MLLT3: variants seen among roughly 807,000 people sequenced by gnomAD.
The protein encoded by MLLT3 is protein AF-9.
MLLT3 carries 4 observed loss-of-function variants against 53.2 expected under a neutral mutation model. The observed-to-expected ratio is 0.08, with a 90% CI of 0.04 to 0.17. The LOEUF is 0.17. Ranked by LOEUF, MLLT3 falls within the 10% of genes least tolerant of loss-of-function variation. The probability of loss-of-function intolerance (pLI) is 1.00; values close to 1 mark genes in which losing one functional copy is unlikely to be tolerated. For missense variants in MLLT3, 569 were observed against 684.0 expected, an observed-to-expected ratio of 0.83 and a Z score of 1.87; for synonymous variants, 283 against 230.6, an observed-to-expected ratio of 1.23 and a Z score of -2.06.
chr9:20,365,779 T>G lies in MLLT3; in HGVS notation c.1126-35A>C, dbSNP rs751773072. ...AGAATAAAAAGGCACCATCAATAAATTTACGGGATACCACACATCTAAAGT... is the reference window on the plus strand; with the variant it reads ...AGAATAAAAAGGCACCATCAATAAAGTTACGGGATACCACACATCTAAAGT... On this transcript the variant is annotated intron_variant, in intron 5 of 10. Coordinates refer to ENST00000380338, the MANE Select transcript of MLLT3 (RefSeq NM_004529.4). The G allele has an allele frequency of 3.1e-6, 5 of 1,606,982 alleles. No homozygotes were observed. In the South Asian group the frequency reaches 5.5e-5, roughly 18 times the overall value.
intron 4 of MLLT3, among the ~76,000 whole-genome samples, chr9:20,430,923 A>T (rs1339078816): frequency 1.3e-5 from 2 of 152,142 alleles, no homozygotes; most frequent in Admixed American, 1.3e-4. Context: ...ATGAACAAAC[A>T]TTTCACAGAA....
chr9:20,517,644 CTGGCCAACA>C (rs1434660208), intron 2 of MLLT3, among the ~76,000 whole-genome samples: 2 of 151,942 alleles, frequency 1.3e-5, no homozygotes. Flanking sequence ...TGAGACCAAC[CTGGCCAACA>C]TGGTGAAACC....
At chr9:20,618,720 T>G (rs1438159039) in intron 2 of MLLT3, among the ~76,000 whole-genome samples, 2 of 152,166 alleles carry the variant, frequency 1.3e-5, no homozygotes, top group Non-Finnish European at 2.9e-5. Flanking sequence ...GTGGCCTATG[T>G]GAGCAGCACC....
In MLLT3 at chr9:20,452,194, G is replaced by C. The variant is rs576009947; in HGVS notation, c.277-3928C>G. Among the ~76,000 whole-genome samples, 24 of 152,192 alleles carry C rather than the reference G, an allele frequency of 1.6e-4. 1 individual carries two copies. The highest frequency in any genetic ancestry group is 1.5e-3 in the East Asian group (8 of 5,180). ...AACAACACTTTTTCATAAACCATTT[G>C]ATATGGTTTGGCTGTGCCTCCACCC... On this transcript the variant is annotated intron_variant, in intron 3 of 10. Transcript: ENST00000380338.
chr9:20,564,185 G>C (rs1055325762), intron 2 of MLLT3, among the ~76,000 whole-genome samples: 1 of 152,088 alleles, frequency 6.6e-6, no homozygotes, highest in South Asian at 2.1e-4. Flanking sequence ...TAAATACAGA[G>C]TGATCAAGAC....
At chr9:20,405,851 T>G (rs1019204786) in intron 5 of MLLT3, among the ~76,000 whole-genome samples, 9 of 152,230 alleles carry the variant, frequency 5.9e-5, no homozygotes, top group African/African-American at 1.9e-4. Flanking sequence ...GTGGCTCATG[T>G]CTGTAATCCC....
intron 2 of MLLT3, among the ~76,000 whole-genome samples, chr9:20,520,908 G>C (rs1473750640): frequency 6.6e-6 from 1 of 152,218 alleles, no homozygotes; most frequent in South Asian, 2.1e-4. Flanking sequence ...GGAAGACTAA[G>C]AGTGGGAGAA....
In MLLT3 at chr9:20,590,674, T is replaced by A. The variant is rs139120021; in HGVS notation, c.193+29980A>T. ...GAGTCAATTAAACCTCTTTTCTTTATAAATTACCCAGTCTCAGGCAGTTCT... is the reference window on the plus strand; with the variant it reads ...GAGTCAATTAAACCTCTTTTCTTTAAAAATTACCCAGTCTCAGGCAGTTCT... On this transcript the variant is annotated intron_variant, in intron 2 of 10. Transcript: ENST00000380338. 3.5e-3 allele frequency among the ~76,000 whole-genome samples: 526 copies of A among 152,324 alleles called. 4 individuals carry two copies. Among genetic ancestry groups the A allele is most frequent in the African/African-American group, 0.012 (506 of 41,570 alleles).
In MLLT3 at chr9:20,363,538, C is replaced by T; in HGVS notation, c.1269G>A (p.Glu423=). 3 of 1,614,048 alleles carry T rather than the reference C, an allele frequency of 1.9e-6. No homozygotes were observed. Among genetic ancestry groups the T allele is most frequent in the Non-Finnish European group, 2.5e-6 (3 of 1,179,980 alleles). ...CCATTTCAGAGTCATTGTCGTTATCCTCCACTTCATCTGATTCCTCCTCAT... is the reference window on the plus strand; with the variant it reads ...CCATTTCAGAGTCATTGTCGTTATCTTCCACTTCATCTGATTCCTCCTCAT... ...DDNEEESDEV[E]DNDNDSEMER... is the part of the protein sequence containing the mutation. Residue 423 remains glutamate, a synonymous_variant, in exon 7 of 11, where the codon GAG becomes GAA. Transcript: ENST00000380338.
chr9:20,421,931 T>C (rs139067715), intron 4 of MLLT3, among the ~76,000 whole-genome samples: 8 of 152,260 alleles, frequency 5.3e-5, no homozygotes, highest in East Asian at 3.9e-4. Flanking sequence ...TGAGTTCATA[T>C]TGTAAATGTT....
rs1818061179 is a variant in MLLT3, at chr9:20,521,625, A to C, written c.194-64839T>G. On this transcript the variant is annotated intron_variant, in intron 2 of 10. Transcript: ENST00000380338. ...CATTACAGTAACTATCATAAAAGCA[A>C]AGTTTAAACTGACAATGTTGGATAT... Among the ~76,000 whole-genome samples, 3 of 98,648 alleles carry C rather than the reference A, an allele frequency of 3.0e-5. No homozygotes were observed. The Admixed American group carries it at 3.2e-4, about 11-fold the overall frequency. 64.7% of individuals were successfully genotyped at this position (98,648 alleles called of 152,430 possible).
chr9:20,548,568 G>C (rs1305542448), intron 2 of MLLT3, among the ~76,000 whole-genome samples: 1 of 152,174 alleles, frequency 6.6e-6, no homozygotes, highest in African/African-American at 2.4e-5. Flanking sequence ...GGTAAAACCT[G>C]CTTACCCTAA....
At chr9:20,486,722 A>C (rs1397320338) in intron 2 of MLLT3, among the ~76,000 whole-genome samples, 1 of 152,214 alleles carries the variant, frequency 6.6e-6, no homozygotes, top group Admixed American at 6.5e-5. Context: ...CTTGGTTAAT[A>C]TCTATGAGAT....
chr9:20,349,052 T>G (rs1217104900), intron 10 of MLLT3, among the ~76,000 whole-genome samples: 1 of 152,244 alleles, frequency 6.6e-6, no homozygotes, highest in Admixed American at 6.5e-5. Flanking sequence ...TTCAAATTTA[T>G]GCAATGGAGG....
intron 2 of MLLT3, among the ~76,000 whole-genome samples, chr9:20,518,018 T>C (rs1817958006): frequency 6.6e-6 from 1 of 151,934 alleles, no homozygotes; most frequent in Non-Finnish European, 1.5e-5. Context: ...AGAATAAATA[T>C]TCATGAAGCA....
chr9:20,403,876 T>C (rs1390336661), intron 5 of MLLT3, among the ~76,000 whole-genome samples: 1 of 152,184 alleles, frequency 6.6e-6, no homozygotes, highest in Non-Finnish European at 1.5e-5. Context: ...TGGAGTACAG[T>C]AGCACAATCA....
At chr9:20,552,021 C>G (rs1818937432) in intron 2 of MLLT3, among the ~76,000 whole-genome samples, 1 of 152,202 alleles carries the variant, frequency 6.6e-6, no homozygotes, top group Admixed American at 6.5e-5. Flanking sequence ...ATCCACCCAC[C>G]CGGATCCCTT....
chr9:20,447,096 T>C (rs745781731), intron 4 of MLLT3, among the ~76,000 whole-genome samples: 2 of 152,152 alleles, frequency 1.3e-5, no homozygotes, highest in African/African-American at 4.8e-5. Context: ...ATTATATACA[T>C]GGGCAACTTT....
intron 5 of MLLT3, among the ~76,000 whole-genome samples, chr9:20,385,979 T>C (rs1265339210): frequency 6.6e-6 from 1 of 152,182 alleles, no homozygotes; most frequent in Non-Finnish European, 1.5e-5. Context: ...TCTCTCCCTT[T>C]AGTGAAGAGG....
Sources: allele counts gnomAD v4.1 joint callset (sites outside exome capture counted in the v4.1 genomes callset), GRCh38; gene constraint gnomAD v4.1.1; transcripts MANE v1.5; gene names NCBI Gene and HGNC (gene_info 2026-07-23, HGNC 2026-07-21).